DNAJB1: variants seen among roughly 807,000 people sequenced by gnomAD.
DNAJB1 encodes the protein dnaJ homolog subfamily B member 1.
Under a neutral mutation model 24.0 loss-of-function variants are expected in DNAJB1, and 14 were observed. That is an observed-to-expected ratio of 0.58 (90% CI 0.39 to 0.91). The LOEUF (loss-of-function observed/expected upper bound fraction) is 0.91, where lower values mean the gene tolerates loss of function less well. DNAJB1 is among the 40% of genes least tolerant of loss of function. The pLI is 0.00. For missense variants in DNAJB1, 517 were observed against 458.1 expected (o/e 1.13, Z -1.17); for synonymous variants, 262 against 174.4 (o/e 1.50, Z -3.96).
chr19:14,545,513 G>A (rs188814540), intron 1 of DNAJB1, among the ~76,000 whole-genome samples: 4 of 152,254 alleles, frequency 2.6e-5, no homozygotes, highest in Admixed American at 6.5e-5. Flanking sequence ...CTAGGGGGTG[G>A]GGGGGATAGC....
upstream of DNAJB1, among the ~76,000 whole-genome samples, chr19:14,551,959 CT>C: frequency 8.3e-6 from 1 of 120,334 alleles, no homozygotes; most frequent in Non-Finnish European, 1.7e-5. Flanking sequence ...CTCTCTCTCT[CT>C]CTCTCTCTCT....
upstream of DNAJB1, chr19:14,529,392 C>G (rs2072521293): frequency 3.6e-6 from 2 of 560,678 alleles, no homozygotes; most frequent in Non-Finnish European, 3.2e-6. Flanking sequence ...GGTGGATGGT[C>G]AAGCCCCTTC....
At chr19:14,529,785 C>G, upstream of DNAJB1, 1 of 1,604,892 alleles carries the variant, frequency 6.2e-7, no homozygotes, top group Non-Finnish European at 8.5e-7. Flanking sequence ...GACCACGGGA[C>G]CCCACTTTCT....
chr19:14,537,328 G>C (rs1369240769), intron 1 of DNAJB1, among the ~76,000 whole-genome samples: 1 of 151,740 alleles, frequency 6.6e-6, no homozygotes, highest in East Asian at 1.9e-4. Flanking sequence ...AAGGTGGGAC[G>C]GGATGAGTGG....
At chr19:14,556,750 A>C (rs1479920921) in intron 1 of DNAJB1, among the ~76,000 whole-genome samples, 1 of 152,212 alleles carries the variant, frequency 6.6e-6, no homozygotes, top group Admixed American at 6.5e-5. Context: ...CGTCCCTGAC[A>C]TCGGCTTTGG....
intron 1 of DNAJB1, among the ~76,000 whole-genome samples, chr19:14,537,137 TGAG>T (rs1017967014): frequency 2.9e-5 from 3 of 102,744 alleles, no homozygotes; most frequent in South Asian, 7.7e-4. Context: ...TTCCTGAGGA[TGAG>T]GAGGTAGGGC....
rs1295497789 is a variant in DNAJB1, at chr19:14,515,003, A to G, written c.*937T>C. ...GGGGACAGGTTTTGAGTGTACACCA[A>G]CTATACATGGAATTATAAAAACATA... On this transcript the variant is annotated 3_prime_UTR_variant, in exon 3 of 3. Transcript: ENST00000254322. 4 of 152,530 alleles carry G rather than the reference A, an allele frequency of 2.6e-5. No individual in the cohort carries two copies. Among genetic ancestry groups the G allele is most frequent in the African/African-American group, 9.7e-5 (4 of 41,420 alleles). 9.4% of individuals were successfully genotyped at this position (152,530 alleles called of 1,614,324 possible). A position where few individuals can be genotyped will look rare whatever the true frequency, so the allele number is the denominator to read the frequency against.
chr19:14,541,910 T>C (rs1439598223), intron 1 of DNAJB1, among the ~76,000 whole-genome samples: 2 of 151,578 alleles, frequency 1.3e-5, no homozygotes, highest in African/African-American at 2.4e-5. Context: ...AGCCTCCCGA[T>C]TGGCTGGGAT....
intron 1 of DNAJB1, among the ~76,000 whole-genome samples, chr19:14,540,488 A>C (rs906684399): frequency 6.9e-6 from 1 of 145,238 alleles, no homozygotes; most frequent in African/African-American, 2.6e-5. Flanking sequence ...TGCGTCTGGG[A>C]TTCAAGCATT....
At chr19:14,537,837 C>T (rs2072958015) in intron 1 of DNAJB1, among the ~76,000 whole-genome samples, 1 of 151,388 alleles carries the variant, frequency 6.6e-6, no homozygotes, top group Non-Finnish European at 1.5e-5. Context: ...CCTCCGCCTC[C>T]CGGGTTCAGG....
At chr19:14,534,367 G>A (rs1041184193), upstream of DNAJB1, among the ~76,000 whole-genome samples, 4 of 136,688 alleles carry the variant, frequency 2.9e-5, no homozygotes, top group Non-Finnish European at 6.1e-5. Context: ...CTTATGATCC[G>A]CCCGCCTCGG....
chr19:14,535,569 T>A (rs1476365179), intron 1 of DNAJB1, among the ~76,000 whole-genome samples: 1 of 19,964 alleles, frequency 5.0e-5, no homozygotes, highest in Non-Finnish European at 1.1e-4. Flanking sequence ...TATATATATA[T>A]ATATATATAT....
chr19:14,548,353 G>C (rs925213406), intron 1 of DNAJB1, among the ~76,000 whole-genome samples: 1 of 151,986 alleles, frequency 6.6e-6, no homozygotes, highest in African/African-American at 2.4e-5. Flanking sequence ...TGGCAGTTCC[G>C]GCCTGTTTGT....
upstream of DNAJB1, among the ~76,000 whole-genome samples, chr19:14,553,937 C>T (rs1331535709): frequency 6.6e-6 from 1 of 152,182 alleles, no homozygotes; most frequent in African/African-American, 2.4e-5. Flanking sequence ...GCACCCCCAG[C>T]CAGGCCTCTT....
intron 1 of DNAJB1, among the ~76,000 whole-genome samples, chr19:14,541,783 A>ATTT (rs113623037): frequency 7.4e-6 from 1 of 134,448 alleles, no homozygotes; most frequent in East Asian, 2.1e-4. Flanking sequence ...ACTTCTTTTC[A>ATTT]TTTTTTTTTT....
chr19:14,556,731 A>G (rs1455573063), intron 1 of DNAJB1, among the ~76,000 whole-genome samples: 1 of 152,162 alleles, frequency 6.6e-6, no homozygotes, highest in African/African-American at 2.4e-5. Context: ...TCTGCACCAG[A>G]GCTGTCTCCG....
chr19:14,549,252 C>A (rs926207330), intron 1 of DNAJB1, among the ~76,000 whole-genome samples: 2 of 136,440 alleles, frequency 1.5e-5, no homozygotes, highest in Non-Finnish European at 1.5e-5. Flanking sequence ...CTCACTCTGT[C>A]GCCAGGCTGG....
chr19:14,518,278 G>C lies in DNAJB1; in HGVS notation c.72C>G (p.Tyr24Ter), dbSNP rs774852640. Residue 24 changes from tyrosine (Y) to a stop codon, truncating the protein, a stop_gained, in exon 1 of 3, where the codon TAC (tyrosine) becomes TAG (stop). Transcript: ENST00000254322. LOFTEE classifies it high-confidence loss of function. ...GASDEEIKRAYRRQALRYHPD... is the reference protein window; with the variant it reads ...GASDEEIKRA ...GGTGGTAGCGCAGCGCCTGGCGGCGGTAGGCCCGCTTGATCTCCTCGTCCG... is the reference window on the plus strand; with the variant it reads ...GGTGGTAGCGCAGCGCCTGGCGGCGCTAGGCCCGCTTGATCTCCTCGTCCG... The C allele has an allele frequency of 6.2e-7, 1 of 1,610,700 alleles. No homozygotes were observed. The highest frequency in any genetic ancestry group is 1.3e-5 in the African/African-American group (1 of 74,706).
chr19:14,522,444 C>T (rs1028246601), upstream of DNAJB1, among the ~76,000 whole-genome samples: 7 of 146,428 alleles, frequency 4.8e-5, no homozygotes, highest in African/African-American at 1.5e-4. Context: ...AAGATCAGGC[C>T]GCTGCACTCC....
Sources: gnomAD v4.1 joint callset for allele counts (sites outside exome capture counted in the v4.1 genomes callset) on GRCh38, gnomAD v4.1.1 for gene constraint, MANE v1.5 for transcripts, NCBI Gene and HGNC (gene_info 2026-07-23, HGNC 2026-07-21) for gene names.